Variants in SLC24A2 observed in about 807,000 individuals in gnomAD.
The protein encoded by SLC24A2 is sodium/potassium/calcium exchanger 2.
SLC24A2 carries 36 observed loss-of-function variants against 62.0 expected under a neutral mutation model. The ratio of observed to expected loss-of-function variants is 0.58; its 90% confidence interval spans 0.44 to 0.77. The LOEUF (loss-of-function observed/expected upper bound fraction) is 0.77, where lower values mean the gene tolerates loss of function less well. Ranked by LOEUF, SLC24A2 falls within the 30% of genes least tolerant of loss-of-function variation. The pLI is 0.00. For synonymous variants in SLC24A2, 358 were observed against 294.0 expected (o/e 1.22, Z -2.23); for missense variants, 846 against 817.9 (o/e 1.03, Z -0.42).
At chr9:19,589,176 G>C (rs1836472260) in intron 5 of SLC24A2, among the ~76,000 whole-genome samples, 1 of 152,174 alleles carries the variant, frequency 6.6e-6, no homozygotes, top group Non-Finnish European at 1.5e-5. Context: ...TATTCATGTA[G>C]CATTGTTGTA....
At chr9:19,911,552 G>A in the SLC24A2 span, among the ~76,000 whole-genome samples, 2 of 152,254 alleles carry the variant, frequency 1.3e-5, no homozygotes, top group African/African-American at 4.8e-5. Context: ...GTGCTGAACT[G>A]TTGTGGAATC....
At chr9:19,644,329 T>C (rs1818582521) in intron 2 of SLC24A2, among the ~76,000 whole-genome samples, 1 of 152,214 alleles carries the variant, frequency 6.6e-6, no homozygotes, top group African/African-American at 2.4e-5. Context: ...ACATCCAGCC[T>C]AAGTAGATAT....
chr9:19,948,125 T>A, the SLC24A2 span, among the ~76,000 whole-genome samples: 2 of 152,222 alleles, frequency 1.3e-5, no homozygotes, highest in Admixed American at 1.3e-4. Context: ...GCGGGACTCT[T>A]AAGCCCTTTC....
At chr9:20,207,333 C>T in the SLC24A2 span, among the ~76,000 whole-genome samples, 1 of 152,194 alleles carries the variant, frequency 6.6e-6, no homozygotes, top group East Asian at 1.9e-4. Flanking sequence ...GCCTCACGAC[C>T]ACTACTCCTT....
At chr9:20,155,481 T>C in the SLC24A2 span, among the ~76,000 whole-genome samples, 1 of 151,868 alleles carries the variant, frequency 6.6e-6, no homozygotes, top group Non-Finnish European at 1.5e-5. Context: ...TTTGTGGATT[T>C]TTCTGTTTGT....
intron 2 of SLC24A2, among the ~76,000 whole-genome samples, chr9:19,719,779 T>A (rs967651996): frequency 1.8e-4 from 27 of 152,246 alleles, no homozygotes; most frequent in African/African-American, 6.5e-4. Flanking sequence ...TTTTATCTCA[T>A]GTTTTTATTT....
chr9:20,208,269 G>A, the SLC24A2 span, among the ~76,000 whole-genome samples: 1 of 152,196 alleles, frequency 6.6e-6, no homozygotes, highest in South Asian at 2.1e-4. Context: ...TCACAGGAAA[G>A]CAGGCATTTG....
At chr9:19,738,576 C>T (rs981753560) in intron 2 of SLC24A2, among the ~76,000 whole-genome samples, 10 of 151,864 alleles carry the variant, frequency 6.6e-5, no homozygotes, top group African/African-American at 1.9e-4. Flanking sequence ...GAAAATATGG[C>T]TGTATATATA....
At chr9:19,579,189 G>A (rs908214521) in intron 5 of SLC24A2, among the ~76,000 whole-genome samples, 5 of 152,082 alleles carry the variant, frequency 3.3e-5, no homozygotes, top group Non-Finnish European at 1.5e-5. Context: ...CTGGAGACTA[G>A]GAAAAGGAGG....
chr9:20,031,494 G>T, the SLC24A2 span, among the ~76,000 whole-genome samples: 2 of 151,406 alleles, frequency 1.3e-5, no homozygotes, highest in Non-Finnish European at 2.9e-5. Context: ...ATAAATTAAA[G>T]AGTAAGCCAC....
the SLC24A2 span, among the ~76,000 whole-genome samples, chr9:19,836,054 ATC>A: frequency 6.6e-6 from 1 of 152,200 alleles, no homozygotes; most frequent in Admixed American, 6.5e-5. Flanking sequence ...ACATACCAGA[ATC>A]TCTGGGACAC....
chr9:19,998,312 G>A, the SLC24A2 span, among the ~76,000 whole-genome samples: 14 of 151,970 alleles, frequency 9.2e-5, no homozygotes, highest in Admixed American at 6.6e-5. Context: ...GCCTGAACTC[G>A]CCCACACATA....
intron 5 of SLC24A2, among the ~76,000 whole-genome samples, chr9:19,578,595 AC>A (rs1836105742): frequency 6.6e-6 from 1 of 152,038 alleles, no homozygotes; most frequent in African/African-American, 2.4e-5. Flanking sequence ...CAGCATATTA[AC>A]AGGGGATCTC....
chr9:20,181,282 C>T, the SLC24A2 span, among the ~76,000 whole-genome samples: 1 of 151,860 alleles, frequency 6.6e-6, no homozygotes, highest in East Asian at 1.9e-4. Context: ...CCTATATCAT[C>T]AAATCATATA....
intron 8 of SLC24A2, among the ~76,000 whole-genome samples, chr9:19,536,213 T>TA (rs1482935136): frequency 6.6e-6 from 1 of 151,374 alleles, no homozygotes; most frequent in African/African-American, 2.4e-5. Flanking sequence ...TATTTTTTTT[T>TA]ATTACACTTT....
chr9:19,612,008 G>A lies in SLC24A2; in HGVS notation c.1078+7576C>T, dbSNP rs573560072. ...TAAAAAGCTGACTCTACTATCCTAG[G>A]ACTGTGGCTTCAGGCAGGTAAGAAA... On this transcript the variant is annotated intron_variant, in intron 4 of 10. Transcript: ENST00000341998. 2.0e-5 allele frequency among the ~76,000 whole-genome samples: 3 copies of A among 152,302 alleles called. No homozygotes were observed. In the East Asian group the frequency reaches 5.8e-4, roughly 29 times the overall value.
intron 2 of SLC24A2, among the ~76,000 whole-genome samples, chr9:19,675,030 C>CT (rs886757365): frequency 4.6e-5 from 7 of 152,168 alleles, no homozygotes; most frequent in Non-Finnish European, 1.0e-4. Context: ...TCTTCAGATT[C>CT]TTTTGTCCCA....
chr9:20,078,772 G>A, the SLC24A2 span, among the ~76,000 whole-genome samples: 1 of 152,090 alleles, frequency 6.6e-6, no homozygotes, highest in Admixed American at 6.5e-5. Flanking sequence ...CCAAAAGAAT[G>A]CCTCCCTATC....
the SLC24A2 span, among the ~76,000 whole-genome samples, chr9:20,294,612 G>A: frequency 6.6e-6 from 1 of 152,124 alleles, no homozygotes. Context: ...TTGAGTATAG[G>A]CCCTTCAGTT....
Sources: allele counts gnomAD v4.1 joint callset (sites outside exome capture counted in the v4.1 genomes callset), GRCh38; gene constraint gnomAD v4.1.1; transcripts MANE v1.5; gene names NCBI Gene and HGNC (gene_info 2026-07-23, HGNC 2026-07-21).